SPATA13: variants seen among roughly 807,000 people sequenced by gnomAD.
SPATA13 encodes the protein spermatogenesis-associated protein 13.
SPATA13 carries 50 observed loss-of-function variants against 104.0 expected under a neutral mutation model. That is an observed-to-expected ratio of 0.48 (90% CI 0.38 to 0.61). The LOEUF (loss-of-function observed/expected upper bound fraction) is 0.61, where lower values mean the gene tolerates loss of function less well. Among genes scored for constraint, SPATA13 ranks in the 20% least tolerant of loss-of-function variants. The pLI is 0.00. For missense variants in SPATA13, 1,524 were observed against 1,690.6 expected (o/e 0.90, Z 1.73); for synonymous variants, 606 against 667.5 (o/e 0.91, Z 1.42).
At position 24,223,750 on chromosome 13, in the gene SPATA13, T is replaced by C. The variant is rs1871750636; in HGVS notation, c.821T>C (p.Leu274Pro). The C allele has an allele frequency of 3.2e-6, 5 of 1,551,952 alleles. No individual in the cohort carries two copies. Among genetic ancestry groups the C allele is most frequent in the Admixed American group, 2.0e-5 (1 of 51,010 alleles). ...SSFKRKSTSN[L>P]ADLRTAHDAR... ...TTTAAGCGGAAGTCCACCTCCAATC[T>C]TGCAGACCTCAGGACGGCCCATGAC... The change falls in exon 2 of 13, where the codon CTT (leucine) becomes CCT (proline). Residue 274 changes from leucine (L) to proline (P), a missense_variant. Physicochemically the swap from Leu to Pro is moderately conservative, Grantham distance 98. This residue lies in a region of SPATA13 where 1,089 missense variants were observed against 1,135.9 expected (regional missense o/e 0.96). Coordinates refer to ENST00000382108, the MANE Select transcript of SPATA13 (RefSeq NM_001166271.3).
At chr13:24,091,195 C>T (rs1879899303) in intron 3 of SPATA13, among the ~76,000 whole-genome samples, 1 of 152,204 alleles carries the variant, frequency 6.6e-6, no homozygotes, top group Non-Finnish European at 1.5e-5. Context: ...TAGGAATGGG[C>T]CTTAAGGTCA....
intron 1 of SPATA13, among the ~76,000 whole-genome samples, chr13:24,164,794 C>T (rs1023037214): frequency 4.6e-5 from 7 of 152,154 alleles, no homozygotes; most frequent in Admixed American, 4.6e-4. Flanking sequence ...ACCACAGAAC[C>T]TTTCACAACA....
At chr13:24,152,836 T>C (rs1289109471) in intron 3 of SPATA13, among the ~76,000 whole-genome samples, 1 of 150,904 alleles carries the variant, frequency 6.6e-6, no homozygotes, top group Non-Finnish European at 1.5e-5. Context: ...AGCAGCTTTC[T>C]CTCTCTCTCT....
chr13:24,197,994 GTT>G (rs1329269934), intron 1 of SPATA13, among the ~76,000 whole-genome samples: 2 of 151,756 alleles, frequency 1.3e-5, no homozygotes, highest in African/African-American at 4.8e-5. Flanking sequence ...GTTACCTCGT[GTT>G]TGTTTGTTTG....
At chr13:24,225,815 G>C (rs1189136094) in intron 2 of SPATA13, among the ~76,000 whole-genome samples, 1 of 152,232 alleles carries the variant, frequency 6.6e-6, no homozygotes, top group Non-Finnish European at 1.5e-5. Context: ...GAGCTGGCCA[G>C]GAATTTGTTG....
intron 2 of SPATA13, among the ~76,000 whole-genome samples, chr13:23,987,151 A>G (rs2765149): frequency 0.013 from 2,018 of 152,276 alleles, 39 homozygotes; most frequent in African/African-American, 0.046. Flanking sequence ...ACATTCATTT[A>G]TAATGAAAGC....
Position 24,059,345 on chromosome 13 carries a change from C to T in SPATA13, c.-112+41644C>T, listed in dbSNP as rs1336025192. 1.3e-5 allele frequency among the ~76,000 whole-genome samples: 2 copies of T among 150,048 alleles called. 1 individual carries two copies. Among genetic ancestry groups the T allele is most frequent in the Non-Finnish European group, 3.0e-5 (2 of 66,924 alleles). On this transcript the variant is annotated intron_variant, in intron 3 of 14. Transcript: ENST00000424834. ...TGGTGAATGTCACAAAAAAAAAAGG[C>T]TTGTCTTTGATCTCTCAGAAGATTG...
At chr13:24,265,582 C>A (rs1321724532) in intron 4 of SPATA13, among the ~76,000 whole-genome samples, 1 of 152,162 alleles carries the variant, frequency 6.6e-6, no homozygotes, top group East Asian at 1.9e-4. Flanking sequence ...GGCTGTGTCA[C>A]TCCTGATTCT....
rs749134256 is a variant in SPATA13, at chr13:24,223,214, G to A, written c.285G>A (p.Leu95=). ...CCGAGCGGCCCCACTCCATGGTCCT[G>A]GTGGGGAACTCCTCCACATGGAACA... ...AHPERPHSMV[L]VGNSSTWNTL... Residue 95 remains leucine (L), a synonymous_variant, in exon 2 of 13, where the codon CTG becomes CTA. Coordinates refer to ENST00000382108, the MANE Select transcript of SPATA13 (RefSeq NM_001166271.3). The A allele has an allele frequency of 1.9e-6, 3 of 1,551,708 alleles. No individual in the cohort carries two copies. The highest frequency in any genetic ancestry group is 2.4e-5 in the East Asian group (1 of 40,914).
chr13:24,017,599 G>A (rs1354288171), intron 2 of SPATA13: 2 of 868,718 alleles, frequency 2.3e-6, no homozygotes, highest in African/African-American at 1.8e-5. Flanking sequence ...CTGGCATTCC[G>A]ATTTAACCTC....
At chr13:24,025,534 T>A (rs913456466) in intron 3 of SPATA13, among the ~76,000 whole-genome samples, 68 of 152,308 alleles carry the variant, frequency 4.5e-4, no homozygotes, top group Non-Finnish European at 4.3e-4. Flanking sequence ...CTTTAAAAAA[T>A]AATCCAAACG....
chr13:24,261,169 G>T (rs1874044815), intron 4 of SPATA13, among the ~76,000 whole-genome samples: 1 of 152,202 alleles, frequency 6.6e-6, no homozygotes, highest in African/African-American at 2.4e-5. Context: ...CTGGATCGTG[G>T]AGGACTGGAG....
chr13:24,166,976 T>C (rs1882760328), intron 1 of SPATA13, among the ~76,000 whole-genome samples: 1 of 152,238 alleles, frequency 6.6e-6, no homozygotes, highest in African/African-American at 2.4e-5. Context: ...TTCCCATCTC[T>C]CAGAGTTTCA....
intron 3 of SPATA13, among the ~76,000 whole-genome samples, chr13:24,125,714 T>G (rs1335688250): frequency 1.3e-5 from 2 of 151,918 alleles, no homozygotes; most frequent in African/African-American, 2.4e-5. Flanking sequence ...AAGAGTTCAT[T>G]TTGGAGGTGA....
chr13:24,234,966 TA>T (rs1157593417), intron 2 of SPATA13, among the ~76,000 whole-genome samples: 1 of 152,190 alleles, frequency 6.6e-6, no homozygotes, highest in African/African-American at 2.4e-5. Flanking sequence ...CTCAACTTCT[TA>T]AAAAATTGGG....
chr13:24,247,602 C>T (rs1435181404), intron 2 of SPATA13, among the ~76,000 whole-genome samples: 1 of 151,346 alleles, frequency 6.6e-6, no homozygotes, highest in Non-Finnish European at 1.5e-5. Context: ...GCCGCCTCAG[C>T]CCCCCAAGTA....
At chr13:24,258,671 T>TA (rs534247538) in intron 4 of SPATA13, among the ~76,000 whole-genome samples, 114 of 149,918 alleles carry the variant, frequency 7.6e-4, no homozygotes, top group African/African-American at 2.2e-3. Flanking sequence ...TCCTCTCCGC[T>TA]AAAAAAAAAG....
intron 1 of SPATA13, among the ~76,000 whole-genome samples, chr13:24,196,312 C>T (rs1274090172): frequency 1.3e-5 from 2 of 152,200 alleles, no homozygotes; most frequent in East Asian, 1.9e-4. Flanking sequence ...AAGTATCACA[C>T]TTCAATTTTA....
rs148314715 is a variant in SPATA13, at chr13:24,294,750, A to T, written c.3092A>T (p.Asn1031Ile). ...YTTQEHGDYSNIKAAYEAMKN... is the reference protein window; with the variant it reads ...YTTQEHGDYSIIKAAYEAMKN... ...CTCCCATCTTGCAGTGATTACAGCA[A>T]CATAAAGGCAGCATATGAGGCCATG... Residue 1031 changes from asparagine to isoleucine, a missense_variant, in exon 10 of 13, where the codon AAC becomes ATC. Asn to Ile is a moderately radical substitution (Grantham distance 149). Around this residue, in one of 2 missense-constraint regions of SPATA13, gnomAD observed 435 missense variants for 554.8 expected, o/e 0.78. Transcript: ENST00000382108. 4.0e-5 allele frequency: 63 copies of T among 1,592,904 alleles called. No individual in the cohort carries two copies. In the East Asian group the frequency reaches 1.4e-3, roughly 34 times the overall value.
Sources: allele counts gnomAD v4.1 joint callset (sites outside exome capture counted in the v4.1 genomes callset), GRCh38; gene constraint gnomAD v4.1.1; regional missense constraint gnomAD v4.1.1; transcripts MANE v1.5; gene names NCBI Gene and HGNC (gene_info 2026-07-23, HGNC 2026-07-21).